The following AURKB variants were observed in gnomAD, a reference collection of about 807,000 sequenced individuals.
AURKB encodes the protein aurora kinase B-Sv1.
Under a neutral mutation model 36.5 loss-of-function variants are expected in AURKB, and 28 were observed. That is an observed-to-expected ratio of 0.77 (90% confidence interval 0.57 to 1.05). The LOEUF (loss-of-function observed/expected upper bound fraction) is 1.05. AURKB is among the 50% of genes least tolerant of loss of function. The pLI, the probability that AURKB is intolerant of heterozygous loss-of-function variation, is 0.00. For missense variants in AURKB, 383 were observed against 447.4 expected (o/e 0.86, Z 1.30); for synonymous variants, 175 against 172.9 (o/e 1.01, Z -0.09).
Position 8,204,977 on chromosome 17 carries a change from T to G in AURKB, c.929A>C (p.His310Pro). ...CAGGGGCAGCCGTTCCGAGGGGTTA[T>G]GCCTGAGCAGTTTGGAGATGAGGTC... is the stretch of plus-strand genomic sequence containing the variant. ...AQDLISKLLR[H>P]NPSERLPLAQ... Residue 310 changes from histidine (H) to proline (P), a missense_variant, in exon 9 of 9, where the codon CAT (histidine) becomes CCT (proline). Around this residue, in one of 3 missense-constraint regions of AURKB, gnomAD observed 219 missense variants for 252.6 expected, o/e 0.87. Coordinates refer to ENST00000585124, the MANE Select transcript of AURKB (RefSeq NM_004217.4). 1.2e-6 allele frequency: 2 copies of G among 1,608,684 alleles called. No individual in the cohort carries two copies. The highest frequency in any genetic ancestry group is 1.7e-6 in the Non-Finnish European group (2 of 1,178,670).
At chr17:8,209,963 GTCACTGGCTGGTCAGAT>G (rs1985886067) in intron 2 of AURKB, 197 bp downstream of exon 2, 1 of 630,824 alleles carries the variant, frequency 1.6e-6, no homozygotes, top group Non-Finnish European at 2.8e-6. Context: ...CCAGCTGGGA[GTCACTGGCTGGTCAGAT>G]TCACGTTGGC....
At position 8,206,664 on chromosome 17, in the gene AURKB, C is replaced by A. The variant is rs1364899623; in HGVS notation, c.538-25G>T. The A allele has an allele frequency of 2.5e-6, 4 of 1,614,088 alleles. No homozygotes were observed. The South Asian group carries it at 3.3e-5, about 13-fold the overall frequency. ...TCTGGGAGGGGCAACGACAGGCAAT[C>A]AGACAAGGATGGACCTCCAGCTACA... On this transcript the variant is annotated intron_variant, in intron 6 of 8. Transcript: ENST00000585124. The surrounding 1 kb of genome is among the most constrained non-coding windows in gnomAD (Gnocchi z 4.2).
chr17:8,210,091 AT>A, intron 2 of AURKB, 85 bp downstream of exon 2: 1 of 1,521,012 alleles, frequency 6.6e-7, no homozygotes. Context: ...TGCTTAAAGG[AT>A]TGCTCATTGC....
At chr17:8,207,669 T>C in intron 3 of AURKB, 44 bp from the exon 4 acceptor site, 2 of 1,611,512 alleles carry the variant, frequency 1.2e-6, no homozygotes, top group Non-Finnish European at 1.7e-6. Flanking sequence ...GGGATGACCT[T>C]CTCATCCCTA....
chr17:8,207,904 G>T (rs929028912), intron 2 of AURKB, 64 bp from the exon 3 acceptor site: 6 of 1,355,954 alleles, frequency 4.4e-6, no homozygotes, highest in Admixed American at 2.4e-5. Flanking sequence ...GGAATGTGCT[G>T]CAAGCAGTAT....
At position 8,207,795 on chromosome 17, in the gene AURKB, C is replaced by G. The variant is rs754633475; in HGVS notation, c.94G>C (p.Glu32Gln). 7 of 1,614,122 alleles carry G rather than the reference C, an allele frequency of 4.3e-6. No homozygotes were observed. Among genetic ancestry groups the G allele is most frequent in the Non-Finnish European group, 5.9e-6 (7 of 1,180,024 alleles). ...ACAAGTGCAGATGGGGTGACAGGCT[C>G]TTTCCGGAGGACTCGCTGGGGCAGG... is the stretch of plus-strand genomic sequence containing the variant. Reference protein sequence around the residue: ...STLPQRVLRKEPVTPSALVLM... With the variant: ...STLPQRVLRKQPVTPSALVLM... The change falls in exon 3 of 9, where the codon GAG becomes CAG. Residue 32 changes from glutamate (E) to glutamine (Q), a missense_variant. Physicochemically the swap from Glu to Gln is conservative, Grantham distance 29. Transcript: ENST00000585124.
In AURKB at chr17:8,207,451, C is replaced by T. The variant is rs963689538; in HGVS notation, c.207-84G>A. ...TTTCTCTCTGCTTCCTCATCCCATC[C>T]TGTCCTCCGCCCCACTTGTCTTCAT... On this transcript the variant is annotated intron_variant, in intron 4 of 8. Coordinates refer to ENST00000585124, the MANE Select transcript of AURKB (RefSeq NM_004217.4). 9 of 1,555,278 alleles carry T rather than the reference C, an allele frequency of 5.8e-6. No individual in the cohort carries two copies. In the Admixed American group the frequency reaches 7.2e-5, roughly 12 times the overall value.
At chr17:8,208,597 T>TAAATAAAA (rs1985698693) in intron 2 of AURKB, among the ~76,000 whole-genome samples, 1 of 95,650 alleles carries the variant, frequency 1.0e-5, no homozygotes, top group Admixed American at 1.1e-4. Context: ...TCTCAAAAAA[T>TAAATAAAA]AAATAAATAA....
rs1359000687 is a variant in AURKB, at chr17:8,205,945, T to C, written c.686+546A>G. 2.0e-5 allele frequency among the ~76,000 whole-genome samples: 3 copies of C among 151,896 alleles called. No homozygotes were observed. The East Asian group carries it at 5.8e-4, about 29-fold the overall frequency. ...TTTGTGTTTTTAGTAAAGATGGGGT[T>C]TCATCATGTTGGCCAGGCTGGTCCG... is the stretch of plus-strand genomic sequence containing the variant. On this transcript the variant is annotated intron_variant, in intron 7 of 8. Coordinates refer to ENST00000585124, the MANE Select transcript of AURKB (RefSeq NM_004217.4).
chr17:8,207,841 C>A lies in AURKB; in HGVS notation c.49-1G>T. 6.2e-7 allele frequency: 1 copy of A among 1,610,874 alleles called. No homozygotes were observed. Among genetic ancestry groups the A allele is most frequent in the Non-Finnish European group, 8.5e-7 (1 of 1,178,624 alleles). ...GCAGGGTGCTCAGGCCAGATGGAGCCTGAGAAGGAGCAGGGGGTAGCTCTG... is the reference window on the plus strand; with the variant it reads ...GCAGGGTGCTCAGGCCAGATGGAGCATGAGAAGGAGCAGGGGGTAGCTCTG... On this transcript the variant is annotated splice_acceptor_variant, in intron 2 of 8. Coordinates refer to ENST00000585124, the MANE Select transcript of AURKB (RefSeq NM_004217.4). LOFTEE classifies it high-confidence loss of function.
In AURKB at chr17:8,204,865, G is replaced by C. The variant is rs1185522479; in HGVS notation, c.*6C>G. On this transcript the variant is annotated 3_prime_UTR_variant, in exon 9 of 9. Transcript: ENST00000585124. ...ACACACGCACCCGAGTGAATGACAG[G>C]GACCATCAGGCGACAGATTGAAGGG... is the stretch of plus-strand genomic sequence containing the variant. 1 of 1,611,902 alleles carries C rather than the reference G, an allele frequency of 6.2e-7. No individual in the cohort carries two copies. The highest frequency in any genetic ancestry group is 1.1e-5 in the South Asian group (1 of 91,048).
chr17:8,207,163 C>G lies in AURKB; in HGVS notation c.398+13G>C. 1 of 1,607,990 alleles carries G rather than the reference C, an allele frequency of 6.2e-7. No homozygotes were observed. On this transcript the variant is annotated intron_variant, in intron 5 of 8. Coordinates refer to ENST00000585124, the MANE Select transcript of AURKB (RefSeq NM_004217.4). ...AGCAGAGGGGCTTCGGCTCAGGGGG[C>G]ATCAACCCATACTGCAGGTGGGCCT...
At chr17:8,210,359 G>A (rs1487477175) in intron 1 of AURKB, 110 bp from the exon 2 acceptor site, 15 of 788,092 alleles carry the variant, frequency 1.9e-5, no homozygotes, top group Non-Finnish European at 2.7e-5. Context: ...AAGGGAGCAG[G>A]TCAGCACACT....
At chr17:8,205,153 C>G in intron 8 of AURKB, 63 bp downstream of exon 8, 1 of 1,556,434 alleles carries the variant, frequency 6.4e-7, no homozygotes, top group Non-Finnish European at 8.7e-7. Context: ...TACACTCTGC[C>G]CACCCCCAGC....
chr17:8,210,301 G>T, intron 1 of AURKB, 52 bp from the exon 2 acceptor site: 1 of 1,362,050 alleles, frequency 7.3e-7, no homozygotes, highest in Non-Finnish European at 1.0e-6. Context: ...GAGAGAGAGA[G>T]GGAGGGGTTG....
rs1220021324 is a variant in AURKB, at chr17:8,210,140, G to A, written c.48+37C>T. The stretch of plus-strand genomic sequence containing the variant: ...TTCCCAGCAGGAACTCGCCATGCGG[G>A]GTCATGGGGGCGCAGGGACGGAGGG... On this transcript the variant is annotated intron_variant, in intron 2 of 8. Coordinates refer to ENST00000585124, the MANE Select transcript of AURKB (RefSeq NM_004217.4). 3 of 1,611,144 alleles carry A rather than the reference G, an allele frequency of 1.9e-6. No individual in the cohort carries two copies. The African/African-American group carries it at 4.0e-5, about 21-fold the overall frequency.
In AURKB at chr17:8,207,358, G is replaced by T; in HGVS notation, c.216C>A (p.Phe72Leu). 6.2e-7 allele frequency: 1 copy of T among 1,613,364 alleles called. No homozygotes were observed. Among genetic ancestry groups the T allele is most frequent in the Non-Finnish European group, 8.5e-7 (1 of 1,179,378 alleles). Residue 72 changes from phenylalanine to leucine, a missense_variant, in exon 5 of 9, where the codon TTC (phenylalanine) becomes TTA (leucine). Around this residue, in one of 3 missense-constraint regions of AURKB, gnomAD observed 105 missense variants for 95.7 expected, o/e 1.10. Coordinates refer to ENST00000585124, the MANE Select transcript of AURKB (RefSeq NM_004217.4). ...GCCCAATCTCAAAGTCATCAATTGT[G>T]AAGTGCCGCCTGCTTAGAAAGTGGA... The part of the protein sequence containing the change: ...SGTPDILTRH[F>L]TIDDFEIGRP...
intron 2 of AURKB, among the ~76,000 whole-genome samples, chr17:8,209,144 C>T (rs1985788305): frequency 6.6e-6 from 1 of 152,098 alleles, no homozygotes; most frequent in Admixed American, 6.6e-5. Flanking sequence ...CCTCGGCCTC[C>T]TGAGTAGGTG....
At chr17:8,208,474 C>T (rs981654544) in intron 2 of AURKB, among the ~76,000 whole-genome samples, 4 of 150,684 alleles carry the variant, frequency 2.7e-5, no homozygotes, top group Non-Finnish European at 5.9e-5. Context: ...GCCTGTAATC[C>T]CAGCTACTCG....
Sources: allele counts gnomAD v4.1 joint callset (sites outside exome capture counted in the v4.1 genomes callset), GRCh38; gene constraint gnomAD v4.1.1; regional missense constraint gnomAD v4.1.1; non-coding constraint Gnocchi (gnomAD v3.1); transcripts MANE v1.5; gene names NCBI Gene and HGNC (gene_info 2026-07-23, HGNC 2026-07-21).